The following TTC7B variants were observed in gnomAD, a reference collection of about 807,000 sequenced individuals.
The protein encoded by TTC7B is tetratricopeptide repeat protein 7B.
A neutral mutation model predicts 106.8 loss-of-function variants in TTC7B; 28 were observed. That is an observed-to-expected ratio of 0.26 (90% confidence interval 0.19 to 0.36). TTC7B has a LOEUF of 0.36. Among genes scored for constraint, TTC7B ranks in the 10% least tolerant of loss-of-function variants. The probability of loss-of-function intolerance (pLI) is 1.00; values close to 1 mark genes in which losing one functional copy is unlikely to be tolerated. For synonymous variants in TTC7B, 405 were observed against 430.6 expected (o/e 0.94, Z 0.74); for missense variants, 862 against 1,076.4 (o/e 0.80, Z 2.79).
At chr14:90,680,405 A>G in intron 8 of TTC7B, 67 bp downstream of exon 8, 1 of 1,184,660 alleles carries the variant, frequency 8.4e-7, no homozygotes, top group Non-Finnish European at 1.3e-6. Context: ...TACTGGCAGA[A>G]TGGCTATATC....
rs1555372767 is a variant in TTC7B, at chr14:90,537,381, G to GGGT, written c.*3984_*3986dup. 6.7e-6 allele frequency: 1 copy of GGGT among 149,880 alleles called. No homozygotes were observed. Among genetic ancestry groups the GGGT allele is most frequent in the East Asian group, 2.0e-4 (1 of 5,026 alleles). 9.3% of individuals were successfully genotyped at this position (149,880 alleles called of 1,614,324 possible). On this transcript the variant is annotated 3_prime_UTR_variant, in exon 20 of 20. Coordinates refer to ENST00000328459, the MANE Select transcript of TTC7B (RefSeq NM_001010854.2). ...TTTTTTTTTTGTAGAGATGGGGGGGGGGTCTCACCATGTTGCCCAGGCTGG... is the reference window on the plus strand; with the variant it reads ...TTTTTTTTTTGTAGAGATGGGGGGGGGGTGGTCTCACCATGTTGCCCAGGCTGG...
chr14:90,784,869 A>C (rs980794549), intron 2 of TTC7B, among the ~76,000 whole-genome samples: 2 of 152,202 alleles, frequency 1.3e-5, no homozygotes, highest in Non-Finnish European at 2.9e-5. Flanking sequence ...TGTCCCGTGC[A>C]TACAACATAC....
At chr14:90,765,269 G>C (rs1016611773) in intron 3 of TTC7B, among the ~76,000 whole-genome samples, 3 of 152,146 alleles carry the variant, frequency 2.0e-5, no homozygotes, top group Non-Finnish European at 4.4e-5. Context: ...ATAGAGACAG[G>C]GTATAGATTA....
chr14:90,722,332 A>C (rs1484447076), intron 5 of TTC7B, among the ~76,000 whole-genome samples: 1 of 152,140 alleles, frequency 6.6e-6, no homozygotes, highest in Admixed American at 6.5e-5. Flanking sequence ...CTGTGGCCAA[A>C]AACCAAGTAA....
chr14:90,659,171 G>C (rs939441930), intron 9 of TTC7B, among the ~76,000 whole-genome samples: 1 of 152,128 alleles, frequency 6.6e-6, no homozygotes, highest in Non-Finnish European at 1.5e-5. Flanking sequence ...ACCTGGGGGA[G>C]AATCCATGCC....
At chr14:90,622,408 C>T (rs948822697) in intron 15 of TTC7B, among the ~76,000 whole-genome samples, 1 of 151,744 alleles carries the variant, frequency 6.6e-6, no homozygotes, top group African/African-American at 2.4e-5. Flanking sequence ...CATGAGCCAC[C>T]GTGCCCAGCC....
chr14:90,566,178 C>T lies in TTC7B; in HGVS notation c.2310+11928G>A, dbSNP rs145427912. Reference sequence around the variant, plus strand: ...ACCAGCCTGGCCAATATGTGGAATCCCTGTCTCTACTAAAAATACAAAAAC... The same window carrying T: ...ACCAGCCTGGCCAATATGTGGAATCTCTGTCTCTACTAAAAATACAAAAAC... On this transcript the variant is annotated intron_variant, in intron 19 of 19. Coordinates refer to ENST00000328459, the MANE Select transcript of TTC7B (RefSeq NM_001010854.2). Among the ~76,000 whole-genome samples, 159 of 152,026 alleles carry T rather than the reference C, an allele frequency of 1.0e-3. 1 individual carries two copies. Among genetic ancestry groups the T allele is most frequent in the African/African-American group, 3.5e-3 (144 of 41,490 alleles).
At chr14:90,764,971 T>G (rs1238189823) in intron 3 of TTC7B, among the ~76,000 whole-genome samples, 1 of 152,140 alleles carries the variant, frequency 6.6e-6, no homozygotes, top group Admixed American at 6.5e-5. Context: ...CCCAAAATGT[T>G]TTGGATGGGA....
chr14:90,738,728 G>A (rs939958705), intron 4 of TTC7B, among the ~76,000 whole-genome samples: 1 of 152,148 alleles, frequency 6.6e-6, no homozygotes, highest in Non-Finnish European at 1.5e-5. Context: ...TGTGAAGCAA[G>A]AGAAAAAGTA....
rs1356597064 is a variant in TTC7B at position 90,531,611 on chromosome 14, C to T, written c.*9757G>A. The stretch of plus-strand genomic sequence containing the variant: ...TCCAGCCTGGACAACAAGAGCGAAA[C>T]TCCTTCTCAAAAAAAAAAAAAAAAA... On this transcript the variant is annotated 3_prime_UTR_variant, in exon 20 of 20. Coordinates refer to ENST00000328459, the MANE Select transcript of TTC7B (RefSeq NM_001010854.2). 1 of 126,952 alleles carries T rather than the reference C, an allele frequency of 7.9e-6. No homozygotes were observed. Among genetic ancestry groups the T allele is most frequent in the Non-Finnish European group, 1.6e-5 (1 of 62,974 alleles). 7.9% of individuals were successfully genotyped at this position (126,952 alleles called of 1,614,324 possible). A position where few individuals can be genotyped will look rare whatever the true frequency, so the allele number is the denominator to read the frequency against.
chr14:90,754,342 A>G (rs1370758362), intron 3 of TTC7B, among the ~76,000 whole-genome samples: 1 of 152,224 alleles, frequency 6.6e-6, no homozygotes, highest in Non-Finnish European at 1.5e-5. Context: ...CAGAGTAGCT[A>G]AGACTGTGGG....
At chr14:90,691,952 T>G (rs576612986) in intron 6 of TTC7B, among the ~76,000 whole-genome samples, 1 of 152,318 alleles carries the variant, frequency 6.6e-6, no homozygotes, top group East Asian at 1.9e-4. Context: ...TTATATAAAT[T>G]AAAGTATGCG....
At chr14:90,748,489 G>A (rs1292080812) in intron 3 of TTC7B, among the ~76,000 whole-genome samples, 1 of 151,816 alleles carries the variant, frequency 6.6e-6, no homozygotes, top group Non-Finnish European at 1.5e-5. Context: ...CACCACACAT[G>A]GCTAATTTTT....
chr14:90,681,210 GC>G (rs1423835103), intron 7 of TTC7B, among the ~76,000 whole-genome samples: 5 of 152,138 alleles, frequency 3.3e-5, no homozygotes, highest in African/African-American at 1.2e-4. Flanking sequence ...ATTCTCTATA[GC>G]CTATTTTCTG....
chr14:90,638,970 C>T (rs781481602), intron 15 of TTC7B, among the ~76,000 whole-genome samples: 3 of 152,180 alleles, frequency 2.0e-5, no homozygotes, highest in African/African-American at 7.2e-5. Flanking sequence ...ATCTTTTCAG[C>T]GTTTGATGCT....
In TTC7B at chr14:90,680,571, AG is replaced by A. The variant is rs1212968093; in HGVS notation, c.951-37del. 2.0e-6 allele frequency: 3 copies of A among 1,523,160 alleles called. No individual in the cohort carries two copies. In the African/African-American group the frequency reaches 4.1e-5, roughly 21 times the overall value. The allele number at this position is 1,523,160 out of a possible 1,614,324, so 94.4% of individuals were successfully genotyped here. The stretch of plus-strand genomic sequence containing the variant: ...AAGAAAACTGACTTTGATATATGGC[AG>A]TTTCAAAATATACAAATACAAGCAG... On this transcript the variant is annotated intron_variant, in intron 7 of 19. Coordinates refer to ENST00000328459, the MANE Select transcript of TTC7B (RefSeq NM_001010854.2).
chr14:90,713,555 C>T (rs1261331810), intron 5 of TTC7B, among the ~76,000 whole-genome samples: 1 of 152,128 alleles, frequency 6.6e-6, no homozygotes, highest in East Asian at 1.9e-4. Flanking sequence ...ACTGACAATG[C>T]CAAGAGCTAA....
intron 17 of TTC7B, among the ~76,000 whole-genome samples, chr14:90,601,521 T>C (rs1200661302): frequency 6.6e-6 from 1 of 152,214 alleles, no homozygotes; most frequent in Non-Finnish European, 1.5e-5. Context: ...GCAACTTCAC[T>C]AGAATCAGTG....
In TTC7B at chr14:90,577,798, G is replaced by A. The variant is rs996030625; in HGVS notation, c.2310+308C>T. ...TGAGATGACAGTGACAATGCCCCAC[G>A]GCCACAAGAATGTCTTTATCAAACC... On this transcript the variant is annotated intron_variant, in intron 19 of 19. Coordinates refer to ENST00000328459, the MANE Select transcript of TTC7B (RefSeq NM_001010854.2). This position sits in a 1 kb window ranked among gnomAD's most constrained non-coding sequence, Gnocchi z 5.0. Among the ~76,000 whole-genome samples the A allele has an allele frequency of 1.8e-4, 28 of 152,236 alleles. No individual in the cohort carries two copies. The highest frequency in any genetic ancestry group is 5.9e-4 in the Admixed American group (9 of 15,290).
Sources: allele counts gnomAD v4.1 joint callset (sites outside exome capture counted in the v4.1 genomes callset), GRCh38; gene constraint gnomAD v4.1.1; non-coding constraint Gnocchi (gnomAD v3.1); transcripts MANE v1.5; gene names NCBI Gene and HGNC (gene_info 2026-07-23, HGNC 2026-07-21).